SND1: variants seen among roughly 807,000 people sequenced by gnomAD.
SND1 encodes the protein staphylococcal nuclease and tudor domain containing 1, also known as staphylococcal nuclease domain-containing protein 1.
A neutral mutation model predicts 121.7 loss-of-function variants in SND1; 38 were observed. The ratio of observed to expected loss-of-function variants is 0.31; its 90% CI spans 0.24 to 0.41. The LOEUF (loss-of-function observed/expected upper bound fraction) is 0.41. Ranked by LOEUF, SND1 falls within the 10% of genes least tolerant of loss-of-function variation. The probability of loss-of-function intolerance (pLI) is 1.00; values close to 1 mark genes in which losing one functional copy is unlikely to be tolerated. For synonymous variants in SND1, 401 were observed against 447.4 expected (o/e 0.90, Z 1.31); for missense variants, 868 against 1,184.6 (o/e 0.73, Z 3.92).
chr7:127,663,831 A>G (rs934598191), intron 1 of SND1, among the ~76,000 whole-genome samples: 9 of 152,316 alleles, frequency 5.9e-5, no homozygotes, highest in African/African-American at 2.2e-4. Context: ...TTGACTTCCT[A>G]AAGTGCAGAT....
Position 127,698,971 on chromosome 7 carries a change from C to T in SND1, c.428+18C>T, listed in dbSNP as rs372666924. On this transcript the variant is annotated intron_variant, in intron 4 of 23. Coordinates refer to ENST00000354725, the MANE Select transcript of SND1 (RefSeq NM_014390.4). ...GCTAATAAGTAAGTATTCATTACTC[C>T]GCTGTCTCTCTGACAGCGGTAAATT... 80 of 1,598,250 alleles carry T rather than the reference C, an allele frequency of 5.0e-5. No individual in the cohort carries two copies. In the South Asian group the frequency reaches 5.7e-4, roughly 11 times the overall value.
chr7:127,852,819 A>G (rs910385495), intron 12 of SND1, among the ~76,000 whole-genome samples: 1 of 152,108 alleles, frequency 6.6e-6, no homozygotes, highest in African/African-American at 2.4e-5. Flanking sequence ...TCAAAAAAAA[A>G]AAGAAGAAAA....
intron 12 of SND1, among the ~76,000 whole-genome samples, chr7:127,877,143 CATG>C (rs960473045): frequency 2.0e-5 from 3 of 152,070 alleles, no homozygotes; most frequent in African/African-American, 7.2e-5. Context: ...AAGCCATAAC[CATG>C]ATATTGCTGA....
intron 10 of SND1, among the ~76,000 whole-genome samples, chr7:127,784,419 C>G (rs1797775998): frequency 1.3e-5 from 2 of 152,192 alleles, no homozygotes; most frequent in Non-Finnish European, 2.9e-5. Flanking sequence ...CTTCTTTCCT[C>G]CCTCTGGAAA....
At chr7:127,783,968 G>A (rs2116525285) in intron 10 of SND1, among the ~76,000 whole-genome samples, 1 of 152,290 alleles carries the variant, frequency 6.6e-6, no homozygotes, top group East Asian at 1.9e-4. Context: ...AGATATTCAT[G>A]GATTAATGTT....
At chr7:127,727,981 A>G (rs1285606668) in intron 10 of SND1, among the ~76,000 whole-genome samples, 1 of 152,176 alleles carries the variant, frequency 6.6e-6, no homozygotes, top group Non-Finnish European at 1.5e-5. Context: ...AGTAGAGGTC[A>G]TGGAGTAGGG....
intron 11 of SND1, among the ~76,000 whole-genome samples, chr7:127,837,226 A>G (rs1421116462): frequency 6.6e-6 from 1 of 152,152 alleles, no homozygotes; most frequent in Non-Finnish European, 1.5e-5. Context: ...CTTAACTGAT[A>G]CTCTAGGAAT....
At chr7:127,734,971 G>A (rs139267562) in intron 10 of SND1, among the ~76,000 whole-genome samples, 205 of 152,298 alleles carry the variant, frequency 1.3e-3, no homozygotes, top group African/African-American at 4.7e-3. Flanking sequence ...TTCTTTTTGT[G>A]GAGGAAGTTT....
chr7:128,016,506 G>C (rs1180981457), intron 16 of SND1, among the ~76,000 whole-genome samples: 4 of 152,168 alleles, frequency 2.6e-5, no homozygotes, highest in Non-Finnish European at 5.9e-5. Flanking sequence ...TCTCATGCTG[G>C]AGTGGGCATG....
chr7:127,820,506 G>A (rs560965978), intron 11 of SND1, among the ~76,000 whole-genome samples: 5 of 152,166 alleles, frequency 3.3e-5, no homozygotes, highest in Non-Finnish European at 7.3e-5. Flanking sequence ...TTCTGCTTTG[G>A]TGTAGTTAAT....
At chr7:127,936,765 T>C (rs1801070987) in intron 15 of SND1, among the ~76,000 whole-genome samples, 1 of 152,156 alleles carries the variant, frequency 6.6e-6, no homozygotes, top group Non-Finnish European at 1.5e-5. Flanking sequence ...CAGGCTGGTC[T>C]TAGGGTCCTG....
chr7:127,844,339 G>A lies in SND1; in HGVS notation c.1258G>A (p.Asp420Asn). ...TTGTTTCCAGGTCAATGTGACGGTG[G>A]ACTACATTAGACCAGCCAGCCCAGC... ...LIGKKVNVTVDYIRPASPATE... is the reference protein window; with the variant it reads ...LIGKKVNVTVNYIRPASPATE... Residue 420 changes from aspartate to asparagine, a missense_variant, in exon 12 of 24, where the codon GAC becomes AAC. By Grantham distance (23) the Asp-to-Asn change is conservative. Transcript: ENST00000354725. The A allele has an allele frequency of 6.2e-7, 1 of 1,612,902 alleles. No individual in the cohort carries two copies. Among genetic ancestry groups the A allele is most frequent in the East Asian group, 2.2e-5 (1 of 44,822 alleles).
intron 12 of SND1, among the ~76,000 whole-genome samples, chr7:127,878,471 A>C (rs1247830031): frequency 6.6e-6 from 1 of 152,176 alleles, no homozygotes; most frequent in African/African-American, 2.4e-5. Flanking sequence ...GGTTATAGAC[A>C]ATTGGCTCTC....
At chr7:127,790,354 A>T (rs1797885883) in intron 10 of SND1, among the ~76,000 whole-genome samples, 1 of 152,132 alleles carries the variant, frequency 6.6e-6, no homozygotes, top group Non-Finnish European at 1.5e-5. Context: ...TAGGACAAGG[A>T]GCTGAGTGCT....
intron 16 of SND1, among the ~76,000 whole-genome samples, chr7:128,009,917 C>T (rs1803079143): frequency 6.6e-6 from 1 of 152,222 alleles, no homozygotes; most frequent in African/African-American, 2.4e-5. Context: ...TCCTTGCCTC[C>T]TTTTCTCCTG....
At chr7:127,853,291 C>G (rs1799208399) in intron 12 of SND1, among the ~76,000 whole-genome samples, 1 of 152,094 alleles carries the variant, frequency 6.6e-6, no homozygotes, top group African/African-American at 2.4e-5. Flanking sequence ...AAACTTCTTC[C>G]CGTGTTAAAT....
chr7:127,783,981 C>G (rs1469584868), intron 10 of SND1, among the ~76,000 whole-genome samples: 1 of 152,090 alleles, frequency 6.6e-6, no homozygotes, highest in Admixed American at 6.5e-5. Context: ...TTAATGTTAC[C>G]ACATCTAATG....
rs571582532 is a variant in SND1, at chr7:127,765,509, G to A, written c.1153-41975G>A. On this transcript the variant is annotated intron_variant, in intron 10 of 23. Transcript: ENST00000354725. ...GGCAACATTAGGCCCTTAGTAATTGGTAAAACTTGATACTAACAACATCTG... is the reference window on the plus strand; with the variant it reads ...GGCAACATTAGGCCCTTAGTAATTGATAAAACTTGATACTAACAACATCTG... Among the ~76,000 whole-genome samples the A allele has an allele frequency of 6.3e-4, 96 of 152,310 alleles. 1 individual carries two copies. The highest frequency in any genetic ancestry group is 2.3e-3 in the African/African-American group (94 of 41,576).
intron 12 of SND1, among the ~76,000 whole-genome samples, chr7:127,854,931 G>T (rs981720385): frequency 2.0e-5 from 3 of 151,018 alleles, no homozygotes; most frequent in African/African-American, 7.3e-5. Context: ...ATTTTCAAAA[G>T]AAAATAGGGG....
Sources: allele counts gnomAD v4.1 joint callset (sites outside exome capture counted in the v4.1 genomes callset), GRCh38; gene constraint gnomAD v4.1.1; transcripts MANE v1.5; gene names NCBI Gene and HGNC (gene_info 2026-07-23, HGNC 2026-07-21).